The following GRM5 variants were observed in gnomAD, a reference collection of about 807,000 sequenced individuals.
GRM5 encodes glutamate metabotropic receptor 5.
In GRM5, 19 loss-of-function variants were observed where a neutral mutation model predicts 83.1. The ratio of observed to expected loss-of-function variants is 0.23; its 90% CI spans 0.16 to 0.34. GRM5 has a LOEUF of 0.34. GRM5 is among the 10% of genes least tolerant of loss of function. The probability of loss-of-function intolerance (pLI) is 1.00; values close to 1 mark genes in which losing one functional copy is unlikely to be tolerated. For missense variants in GRM5, 1,160 were observed against 1,588.3 expected (o/e 0.73, Z 4.58); for synonymous variants, 675 against 633.6 (o/e 1.07, Z -0.98).
chr11:88,991,255 C>T (rs916516510), intron 2 of GRM5, among the ~76,000 whole-genome samples: 101 of 152,218 alleles, frequency 6.6e-4, no homozygotes, highest in African/African-American at 2.3e-3. Context: ...AGTGAACTCC[C>T]ATTCACAATT....
At chr11:88,963,865 A>C (rs1254866963) in intron 2 of GRM5, among the ~76,000 whole-genome samples, 1 of 152,152 alleles carries the variant, frequency 6.6e-6, no homozygotes, top group Non-Finnish European at 1.5e-5. Flanking sequence ...TATTTGGTAA[A>C]ACTTGTCCTA....
intron 4 of GRM5, among the ~76,000 whole-genome samples, chr11:88,647,616 C>A (rs2135296704): frequency 6.6e-6 from 1 of 152,166 alleles, no homozygotes; most frequent in East Asian, 1.9e-4. Context: ...GTCCAAAACA[C>A]CAAAAGCAAT....
rs900200719 is a variant in GRM5, at chr11:88,583,982, C to A, written c.1690+6619G>T. Among the ~76,000 whole-genome samples the A allele has an allele frequency of 2.6e-5, 4 of 152,232 alleles. No homozygotes were observed. In the East Asian group the frequency reaches 7.7e-4, roughly 29 times the overall value. ...CTTACCCAAACCACTGGTAGATTCA[C>A]ATGGATTTTTGCAAAATTTTCTTAC... On this transcript the variant is annotated intron_variant, in intron 7 of 9. Coordinates refer to ENST00000305447, the MANE Select transcript of GRM5 (RefSeq NM_001143831.3).
intron 2 of GRM5, among the ~76,000 whole-genome samples, chr11:88,972,610 A>G (rs1939201625): frequency 6.6e-6 from 1 of 152,192 alleles, no homozygotes; most frequent in Non-Finnish European, 1.5e-5. Context: ...TTATGGAATT[A>G]GGAGATTACC....
rs369951090 is a variant in GRM5, at chr11:88,928,907, T to TATACACACACAC, written c.662-78753_662-78752insGTGTGTGTGTAT. 1.9e-3 allele frequency among the ~76,000 whole-genome samples: 258 copies of TATACACACACAC among 138,756 alleles called. 1 individual carries two copies. Among genetic ancestry groups the TATACACACACAC allele is most frequent in the African/African-American group, 3.2e-3 (116 of 35,836 alleles). The allele number at this position is 138,756 out of a possible 152,430, so 91.0% of individuals were successfully genotyped here. A position where few individuals can be genotyped will look rare whatever the true frequency, so the allele number is the denominator to read the frequency against. ...GTTTGTACCTATGTGTATGTGTATA[T>TATACACACACAC]ACACACACACACACACACACACACA... On this transcript the variant is annotated intron_variant, in intron 2 of 9. Coordinates refer to ENST00000305447, the MANE Select transcript of GRM5 (RefSeq NM_001143831.3).
chr11:88,640,638 T>C (rs1939264207), intron 4 of GRM5, among the ~76,000 whole-genome samples: 1 of 152,216 alleles, frequency 6.6e-6, no homozygotes. Flanking sequence ...ACCAACCGGC[T>C]TGAAGGTGAC....
intron 3 of GRM5, among the ~76,000 whole-genome samples, chr11:88,677,984 CTTAAA>C (rs1282481848): frequency 5.9e-5 from 9 of 151,696 alleles, no homozygotes; most frequent in African/African-American, 1.7e-4. Context: ...TGAAAATTGA[CTTAAA>C]TTAAAATCAC....
At chr11:88,865,012 G>A (rs1234155388) in intron 2 of GRM5, among the ~76,000 whole-genome samples, 2 of 151,682 alleles carry the variant, frequency 1.3e-5, no homozygotes, top group African/African-American at 4.8e-5. Context: ...GGGATGTGAG[G>A]GAACTCTTCA....
At chr11:88,908,349 A>C (rs1945438297) in intron 2 of GRM5, among the ~76,000 whole-genome samples, 2 of 152,056 alleles carry the variant, frequency 1.3e-5, no homozygotes, top group African/African-American at 4.8e-5. Flanking sequence ...ATGATGGAAA[A>C]AATTTGTTAG....
intron 2 of GRM5, among the ~76,000 whole-genome samples, chr11:88,891,565 C>T (rs971691586): frequency 1.1e-4 from 13 of 119,610 alleles, no homozygotes; most frequent in African/African-American, 4.1e-4. Context: ...TGAATAATAC[C>T]AATATATGTT....
chr11:88,780,721 C>T (rs1022929493), intron 3 of GRM5, among the ~76,000 whole-genome samples: 1 of 152,010 alleles, frequency 6.6e-6, no homozygotes, highest in Non-Finnish European at 1.5e-5. Flanking sequence ...AGATGGGGGT[C>T]TCACTATGTT....
chr11:88,860,158 C>G (rs316085), intron 2 of GRM5, among the ~76,000 whole-genome samples: 116,034 of 152,132 alleles, frequency 0.76, 45,052 homozygotes, highest in East Asian at 0.99. Flanking sequence ...TTTGAGATTT[C>G]CATAATGAAA....
chr11:88,749,996 C>A (rs1942231585), intron 3 of GRM5, among the ~76,000 whole-genome samples: 1 of 152,050 alleles, frequency 6.6e-6, no homozygotes, highest in Non-Finnish European at 1.5e-5. Context: ...CTGAAGTACA[C>A]AGACCAGTGA....
At chr11:88,713,876 A>G (rs1941340297) in intron 3 of GRM5, among the ~76,000 whole-genome samples, 1 of 151,992 alleles carries the variant, frequency 6.6e-6, no homozygotes, top group South Asian at 2.1e-4. Context: ...TCTTCATGAA[A>G]TTAAGAAGAA....
chr11:88,887,979 A>G (rs1590940348), intron 2 of GRM5, among the ~76,000 whole-genome samples: 1 of 152,138 alleles, frequency 6.6e-6, no homozygotes, highest in Non-Finnish European at 1.5e-5. Flanking sequence ...TATTGTGTGT[A>G]CCAGCCCTTC....
At chr11:88,728,868 C>T (rs923770100) in intron 3 of GRM5, among the ~76,000 whole-genome samples, 5 of 152,168 alleles carry the variant, frequency 3.3e-5, no homozygotes, top group Admixed American at 6.5e-5. Flanking sequence ...ATTGATGGAA[C>T]GTATCTCAAA....
intron 3 of GRM5, among the ~76,000 whole-genome samples, chr11:88,740,371 A>G (rs923282143): frequency 4.6e-5 from 7 of 151,958 alleles, no homozygotes; most frequent in Non-Finnish European, 7.4e-5. Flanking sequence ...TGACTCATGG[A>G]TGTTTGTTCA....
chr11:88,990,319 T>C (rs1939920203), intron 2 of GRM5, among the ~76,000 whole-genome samples: 2 of 151,948 alleles, frequency 1.3e-5, no homozygotes, highest in Non-Finnish European at 2.9e-5. Flanking sequence ...CAGGAAGAAG[T>C]TGAATCTCTG....
At chr11:89,028,243 C>T (rs939155182) in intron 2 of GRM5, among the ~76,000 whole-genome samples, 3 of 152,248 alleles carry the variant, frequency 2.0e-5, no homozygotes, top group Middle Eastern at 3.4e-3. Flanking sequence ...CTAACATCCA[C>T]GCAGCACTTA....
Sources: allele counts gnomAD v4.1 joint callset (sites outside exome capture counted in the v4.1 genomes callset), GRCh38; gene constraint gnomAD v4.1.1; transcripts MANE v1.5; gene names NCBI Gene and HGNC (gene_info 2026-07-23, HGNC 2026-07-21).